PRDM15: variants seen among roughly 807,000 people sequenced by gnomAD.
PRDM15 encodes the protein PR domain zinc finger protein 15.
PRDM15 carries 64 observed loss-of-function variants against 128.6 expected under a neutral mutation model. The observed-to-expected ratio is 0.50, with a 90% CI of 0.41 to 0.61. The LOEUF is 0.61. Ranked by LOEUF, PRDM15 falls within the 20% of genes least tolerant of loss-of-function variation. PRDM15 has a pLI of 0.00. For synonymous variants in PRDM15, 615 were observed against 621.8 expected (o/e 0.99, Z 0.16); for missense variants, 1,242 against 1,569.1 (o/e 0.79, Z 3.52).
At position 41,828,437 on chromosome 21, in the gene PRDM15, T is replaced by C; in HGVS notation, c.1367-104A>G. 3.3e-6 allele frequency: 4 copies of C among 1,207,646 alleles called. No homozygotes were observed. The highest frequency in any genetic ancestry group is 2.3e-5 in the East Asian group (1 of 42,866). 74.8% of individuals were successfully genotyped at this position (1,207,646 alleles called of 1,614,324 possible). On this transcript the variant is annotated intron_variant, in intron 11 of 23. Coordinates refer to ENST00000398548, the MANE Select transcript of PRDM15 (RefSeq NM_001040424.3). This position sits in a 1 kb window ranked among gnomAD's most constrained non-coding sequence, Gnocchi z 5.7. ...GTCAATAAAGCGCGGGTGACGGGCA[T>C]GAGAGTCACGGGGATGCGTGGCCAG...
chr21:41,877,713 A>G (rs144042693), intron 1 of PRDM15: 1 of 152,380 alleles, frequency 6.6e-6, no homozygotes, highest in Non-Finnish European at 1.5e-5. Context: ...TTCTAAGACA[A>G]GCTAGCAGCC....
chr21:41,867,201 G>T, intron 1 of PRDM15: 1 of 828,766 alleles, frequency 1.2e-6, no homozygotes. Flanking sequence ...GAGTGACCCT[G>T]CAGAAGGCAG....
At position 41,859,174 on chromosome 21, in the gene PRDM15, A is replaced by T. The variant is rs2063734121; in HGVS notation, c.131+418T>A. ...GGTCAGCCCTGTCCCTGTCCTCATA[A>T]CCCCGCATCCCCTGCCCCGCCTGGG... is the stretch of plus-strand genomic sequence containing the variant. On this transcript the variant is annotated intron_variant, in intron 3 of 23. Transcript: ENST00000398548. This position sits in a 1 kb window ranked among gnomAD's most constrained non-coding sequence, Gnocchi z 5.3. 1 of 1,613,618 alleles carries T rather than the reference A, an allele frequency of 6.2e-7. No homozygotes were observed. Among genetic ancestry groups the T allele is most frequent in the African/African-American group, 1.3e-5 (1 of 74,950 alleles).
chr21:41,869,377 C>T (rs2064131044), intron 1 of PRDM15, among the ~76,000 whole-genome samples: 1 of 151,964 alleles, frequency 6.6e-6, no homozygotes, highest in East Asian at 1.9e-4. Context: ...ACCTCCAGGG[C>T]TCAAGCGATC....
At position 41,821,355 on chromosome 21, in the gene PRDM15, G is replaced by T; in HGVS notation, c.1897-125C>A. ...CCTGAGAGCCCATGACTCATGCCAGGGTGGAAGGGACTCTCAGAGGCTTGA... is the reference window on the plus strand; with the variant it reads ...CCTGAGAGCCCATGACTCATGCCAGTGTGGAAGGGACTCTCAGAGGCTTGA... On this transcript the variant is annotated intron_variant, in intron 15 of 23. Transcript: ENST00000398548. This position sits in a 1 kb window ranked among gnomAD's most constrained non-coding sequence, Gnocchi z 5.4. 1 of 1,127,960 alleles carries T rather than the reference G, an allele frequency of 8.9e-7. No individual in the cohort carries two copies. Among genetic ancestry groups the T allele is most frequent in the Non-Finnish European group, 1.3e-6 (1 of 791,050 alleles). 69.9% of individuals were successfully genotyped at this position (1,127,960 alleles called of 1,614,324 possible). A position where few individuals can be genotyped will look rare whatever the true frequency, so the allele number is the denominator to read the frequency against.
chr21:41,859,744 A>C lies in PRDM15; in HGVS notation c.38-59T>G. ...GGGAGGGAGACACCTAAAGAACACA[A>C]ACCTGGGAAATGGGGACCCTGGCCC... is the stretch of plus-strand genomic sequence containing the variant. On this transcript the variant is annotated intron_variant, in intron 2 of 23. Coordinates refer to ENST00000398548, the MANE Select transcript of PRDM15 (RefSeq NM_001040424.3). This position sits in a 1 kb window ranked among gnomAD's most constrained non-coding sequence, Gnocchi z 5.3. 1 of 1,429,108 alleles carries C rather than the reference A, an allele frequency of 7.0e-7. No individual in the cohort carries two copies. The highest frequency in any genetic ancestry group is 9.8e-7 in the Non-Finnish European group (1 of 1,024,094). The allele number at this position is 1,429,108 out of a possible 1,614,324, so 88.5% of individuals were successfully genotyped here. A position where few individuals can be genotyped will look rare whatever the true frequency, so the allele number is the denominator to read the frequency against.
At position 41,811,008 on chromosome 21, in the gene PRDM15, T is replaced by TG. The variant is rs1421835886; in HGVS notation, c.2393-173dup. On this transcript the variant is annotated intron_variant, in intron 19 of 23. Coordinates refer to ENST00000398548, the MANE Select transcript of PRDM15 (RefSeq NM_001040424.3). The surrounding 1 kb of genome is among the most constrained non-coding windows in gnomAD (Gnocchi z 4.1). ...ATCCCCAGCCTCGGCCAGCAAAGTG[T>TG]GGCTTGGAAAGTTTATGCTTCCATA... 3.4e-6 allele frequency: 2 copies of TG among 590,336 alleles called. No homozygotes were observed. The highest frequency in any genetic ancestry group is 6.1e-6 in the Non-Finnish European group (2 of 329,274). 36.6% of individuals were successfully genotyped at this position (590,336 alleles called of 1,614,324 possible).
chr21:41,861,368 C>G (rs918129297), intron 1 of PRDM15, among the ~76,000 whole-genome samples: 1 of 152,154 alleles, frequency 6.6e-6, no homozygotes, highest in African/African-American at 2.4e-5. Flanking sequence ...TAAACTGACA[C>G]CCCCCACACA....
intron 6 of PRDM15, among the ~76,000 whole-genome samples, chr21:41,846,436 G>A: frequency 6.6e-6 from 1 of 152,230 alleles, no homozygotes; most frequent in East Asian, 1.9e-4. Context: ...GGGCACGGTG[G>A]CTCACGCCTG....
At chr21:41,807,803 A>C (rs2061729529) in intron 21 of PRDM15, among the ~76,000 whole-genome samples, 1 of 152,192 alleles carries the variant, frequency 6.6e-6, no homozygotes, top group African/African-American at 2.4e-5. Flanking sequence ...TGGTTCGAGA[A>C]CAAAGACGGA....
At chr21:41,845,413 G>A (rs934642911) in intron 6 of PRDM15, among the ~76,000 whole-genome samples, 2 of 150,254 alleles carry the variant, frequency 1.3e-5, no homozygotes, top group South Asian at 2.1e-4. Context: ...CCACTTCTAG[G>A]CTCCTGAGCC....
At chr21:41,869,106 G>T (rs1361072908) in intron 1 of PRDM15, among the ~76,000 whole-genome samples, 1 of 152,120 alleles carries the variant, frequency 6.6e-6, no homozygotes, top group Non-Finnish European at 1.5e-5. Context: ...CTCCCTGTCT[G>T]GGGCTTGTCT....
rs776480145 is a variant in PRDM15 at position 41,821,089 on chromosome 21, G to C, written c.2038C>G (p.Leu680Val). 1.2e-6 allele frequency: 2 copies of C among 1,614,124 alleles called. No individual in the cohort carries two copies. Among genetic ancestry groups the C allele is most frequent in the African/African-American group, 2.7e-5 (2 of 74,944 alleles). Residue 680 changes from leucine to valine, a missense_variant, in exon 16 of 24, where the codon CTG (leucine) becomes GTG (valine). By Grantham distance (32) the Leu-to-Val change is conservative. Coordinates refer to ENST00000398548, the MANE Select transcript of PRDM15 (RefSeq NM_001040424.3). The surrounding 1 kb of genome is among the most constrained non-coding windows in gnomAD (Gnocchi z 5.4). Reference protein sequence around the residue: ...HAHMVIHRENLPDPNVQKYIH... With the variant: ...HAHMVIHRENVPDPNVQKYIH... The stretch of plus-strand genomic sequence containing the variant: ...CACTTCTGCACGTTGGGGTCCGGCA[G>C]GTTTTCACGGTGGATGACCATGTGG...
chr21:41,824,144 GTGACCTCCTAAAGTTCGCCTGA>G (rs67291843), intron 13 of PRDM15, among the ~76,000 whole-genome samples: 53,173 of 151,888 alleles, frequency 0.35, 9,518 homozygotes, highest in East Asian at 0.57. Context: ...AATCCGGGGT[GTGACCTCCTAAAGTTCGCCTGA>G]TGCCCACATT....
Position 41,873,901 on chromosome 21 carries a change from C to G in PRDM15, c.-10+5369G>C, listed in dbSNP as rs181659391. Among the ~76,000 whole-genome samples, 114 of 152,054 alleles carry G rather than the reference C, an allele frequency of 7.5e-4. 1 individual carries two copies. Among genetic ancestry groups the G allele is most frequent in the African/African-American group, 2.7e-3 (111 of 41,496 alleles). ...TCTCTACAGAAAACACAAAAGTTAG[C>G]CAGGCATGGTGGCACATGCCTGTAG... On this transcript the variant is annotated intron_variant, in intron 1 of 23. Coordinates refer to ENST00000398548, the MANE Select transcript of PRDM15 (RefSeq NM_001040424.3).
At position 41,828,176 on chromosome 21, in the gene PRDM15, C is replaced by T. The variant is rs750865688; in HGVS notation, c.1524G>A (p.Arg508=). Residue 508 remains arginine (R), a synonymous_variant, in exon 12 of 24, where the codon CGG becomes CGA. Transcript: ENST00000398548. The surrounding 1 kb of genome is among the most constrained non-coding windows in gnomAD (Gnocchi z 5.7). ...CGCAGGCGGCCTCACCTTCCAGGTGCCGGCGCTGGTGGTCCAGCATGACGT... is the reference window on the plus strand; with the variant it reads ...CGCAGGCGGCCTCACCTTCCAGGTGTCGGCGCTGGTGGTCCAGCATGACGT... ...RKDVMLDHQR[R]HLEGVRRVKR... 2 of 1,613,796 alleles carry T rather than the reference C, an allele frequency of 1.2e-6. No individual in the cohort carries two copies. Among genetic ancestry groups the T allele is most frequent in the South Asian group, 2.2e-5 (2 of 91,080 alleles).
At chr21:41,807,509 C>T (rs187264028) in intron 21 of PRDM15, among the ~76,000 whole-genome samples, 89 of 152,330 alleles carry the variant, frequency 5.8e-4, no homozygotes, top group African/African-American at 1.7e-3. Context: ...CACAGCTACA[C>T]AAAGCTGACC....
intron 22 of PRDM15, 95 bp from the exon 23 acceptor site, chr21:41,803,016 A>C (rs1487861486): frequency 8.5e-6 from 8 of 937,886 alleles, no homozygotes; most frequent in African/African-American, 1.6e-5. Context: ...CACACTCTCC[A>C]ATCAGTGGGG....
intron 6 of PRDM15, among the ~76,000 whole-genome samples, chr21:41,843,776 G>C (rs915592458): frequency 2.0e-5 from 3 of 152,084 alleles, no homozygotes; most frequent in Non-Finnish European, 2.9e-5. Context: ...GGAATCCTGA[G>C]CAACAGAGCA....
Sources: gnomAD v4.1 joint callset for allele counts (sites outside exome capture counted in the v4.1 genomes callset) on GRCh38, gnomAD v4.1.1 for gene constraint, Gnocchi (gnomAD v3.1) non-coding constraint, MANE v1.5 for transcripts, NCBI Gene and HGNC (gene_info 2026-07-23, HGNC 2026-07-21) for gene names.